APOLD1: variants seen among roughly 807,000 people sequenced by gnomAD.
APOLD1 encodes apolipoprotein L domain-containing protein 1.
Under a neutral mutation model 15.3 loss-of-function variants are expected in APOLD1, and 22 were observed. The ratio of observed to expected loss-of-function variants is 1.44; its 90% CI spans 1.03 to 2.05. APOLD1 has a LOEUF of 2.05. Ranked by LOEUF, APOLD1 falls within the 30% of genes most tolerant of loss-of-function variation. The pLI, the probability that APOLD1 is intolerant of heterozygous loss-of-function variation, is 0.00. For missense variants in APOLD1, 394 were observed against 353.5 expected (o/e 1.11, Z -0.92); for synonymous variants, 190 against 167.4 (o/e 1.13, Z -1.04).
chr12:12,768,149 A>G (rs1446595811), intron 1 of APOLD1, among the ~76,000 whole-genome samples: 1 of 152,134 alleles, frequency 6.6e-6, no homozygotes, highest in Non-Finnish European at 1.5e-5. Context: ...GGGAGTCCTC[A>G]AACCAAACTC....
chr12:12,770,264 GC>G lies in APOLD1; in HGVS notation c.97-16644del, dbSNP rs1382561265. Among the ~76,000 whole-genome samples, 3 of 152,200 alleles carry G rather than the reference GC, an allele frequency of 2.0e-5. No homozygotes were observed. In the East Asian group the frequency reaches 5.8e-4, roughly 29 times the overall value. On this transcript the variant is annotated intron_variant, in intron 1 of 1. Transcript: ENST00000326765. ...TACTAAAAATACAAAAATTAGCCGG[GC>G]ATGGTGGCACATGCCTGTAACCCCA...
At chr12:12,784,720 G>A (rs996226228), upstream of APOLD1, among the ~76,000 whole-genome samples, 5 of 152,190 alleles carry the variant, frequency 3.3e-5, no homozygotes, top group African/African-American at 1.2e-4. Context: ...TTGGGGACAT[G>A]TAGTAGGACT....
chr12:12,742,484 C>T (rs1053033521), intron 1 of APOLD1, among the ~76,000 whole-genome samples: 6 of 152,144 alleles, frequency 3.9e-5, no homozygotes, highest in Non-Finnish European at 8.8e-5. Context: ...GGGCCCTGGT[C>T]GGCCGGGCAC....
At chr12:12,744,716 G>A (rs1946752654) in intron 1 of APOLD1, among the ~76,000 whole-genome samples, 1 of 152,118 alleles carries the variant, frequency 6.6e-6, no homozygotes, top group Non-Finnish European at 1.5e-5. Flanking sequence ...TAAATTTCCG[G>A]GGTGCTCTGC....
At chr12:12,755,548 A>T (rs1946851219) in intron 1 of APOLD1, among the ~76,000 whole-genome samples, 1 of 152,342 alleles carries the variant, frequency 6.6e-6, no homozygotes, top group Non-Finnish European at 1.5e-5. Context: ...AGAACTCCAA[A>T]CTGCAACATC....
rs75025370 is a variant in APOLD1 at position 12,788,602 on chromosome 12, T to A, written c.*950T>A. On this transcript the variant is annotated 3_prime_UTR_variant, in exon 2 of 2. Coordinates refer to ENST00000356591, the MANE Select transcript of APOLD1 (RefSeq NM_030817.3). Reference sequence around the variant, plus strand: ...GGCTCATATAGTGTAGTCCCTGGAATGGCAAATTAACATCACCCAGGAACT... The same window carrying A: ...GGCTCATATAGTGTAGTCCCTGGAAAGGCAAATTAACATCACCCAGGAACT... The A allele has an allele frequency of 0.013, 1,921 of 152,320 alleles. 22 individuals are homozygous for A. The highest frequency in any genetic ancestry group is 0.017 in the Non-Finnish European group (1,174 of 68,034). 9.4% of individuals were successfully genotyped at this position (152,320 alleles called of 1,614,324 possible).
upstream of APOLD1, among the ~76,000 whole-genome samples, chr12:12,784,754 C>T (rs890454719): frequency 6.6e-6 from 1 of 152,124 alleles, no homozygotes; most frequent in African/African-American, 2.4e-5. Context: ...GAGCTCCAAC[C>T]ACCTCTGAAT....
At chr12:12,726,228 A>G (rs1946592617) in intron 1 of APOLD1, 1 of 767,198 alleles carries the variant, frequency 1.3e-6, no homozygotes, top group Non-Finnish European at 2.2e-6. Flanking sequence ...CTCAGAACCC[A>G]TCATAATTCA....
rs115036208 is a variant in APOLD1, at chr12:12,773,332, G to A, written c.97-13577G>A. Among the ~76,000 whole-genome samples, 643 of 152,284 alleles carry A rather than the reference G, an allele frequency of 4.2e-3. 3 individuals carry two copies. Among genetic ancestry groups the A allele is most frequent in the African/African-American group, 0.014 (595 of 41,550 alleles). On this transcript the variant is annotated intron_variant, in intron 1 of 1. Coordinates refer to the APOLD1 transcript ENST00000326765. ...TCCCAGCACTTTGGGAGGGTGAAGT[G>A]GGAAGATTGCTTGAGGCCAGGAGTT...
chr12:12,734,087 G>C (rs1348243471), intron 1 of APOLD1, among the ~76,000 whole-genome samples: 1 of 152,122 alleles, frequency 6.6e-6, no homozygotes, highest in East Asian at 1.9e-4. Flanking sequence ...GAGTTATGAG[G>C]AGTGTATGCA....
At chr12:12,774,311 G>A (rs1292109189) in intron 1 of APOLD1, among the ~76,000 whole-genome samples, 5 of 151,876 alleles carry the variant, frequency 3.3e-5, no homozygotes, top group East Asian at 1.9e-4. Context: ...TTGGGAGGCC[G>A]AAGAGGGTGA....
chr12:12,785,219 AG>A (rs1392594573), upstream of APOLD1, among the ~76,000 whole-genome samples: 1 of 152,210 alleles, frequency 6.6e-6, no homozygotes, highest in East Asian at 1.9e-4. Flanking sequence ...ACAGCAGTGG[AG>A]TATGAGCGGC....
chr12:12,775,615 C>A (rs1421120256), intron 1 of APOLD1, among the ~76,000 whole-genome samples: 1 of 152,148 alleles, frequency 6.6e-6, no homozygotes, highest in Non-Finnish European at 1.5e-5. Context: ...TCTAACAAAG[C>A]AAGTTTGGAG....
chr12:12,785,553 A>G (rs1947117074), upstream of APOLD1: 4 of 1,469,318 alleles, frequency 2.7e-6, no homozygotes, highest in Non-Finnish European at 3.8e-6. Flanking sequence ...TGAAGGCAGC[A>G]GGGGTCATGA....
At chr12:12,754,519 G>A (rs574518949) in intron 1 of APOLD1, among the ~76,000 whole-genome samples, 27 of 151,866 alleles carry the variant, frequency 1.8e-4, no homozygotes, top group African/African-American at 5.8e-4. Flanking sequence ...GCACAATCTC[G>A]GCTCACTGCA....
At chr12:12,776,126 T>C (rs1481050749) in intron 1 of APOLD1, among the ~76,000 whole-genome samples, 2 of 152,056 alleles carry the variant, frequency 1.3e-5, no homozygotes, top group Non-Finnish European at 2.9e-5. Context: ...CTTCATCATA[T>C]TGCTTAATGT....
chr12:12,728,907 C>T (rs1946615888), intron 1 of APOLD1, among the ~76,000 whole-genome samples: 1 of 152,078 alleles, frequency 6.6e-6, no homozygotes, highest in East Asian at 1.9e-4. Flanking sequence ...AAAAGTATAC[C>T]ATATTCTTGG....
chr12:12,737,501 C>T (rs543293588), intron 1 of APOLD1, among the ~76,000 whole-genome samples: 15 of 152,276 alleles, frequency 9.9e-5, no homozygotes, highest in African/African-American at 3.4e-4. Flanking sequence ...TTATATTTCT[C>T]GAACATAATA....
At chr12:12,782,074 C>G (rs1947085497), upstream of APOLD1, among the ~76,000 whole-genome samples, 1 of 151,698 alleles carries the variant, frequency 6.6e-6, no homozygotes, top group Non-Finnish European at 1.5e-5. Context: ...GTTTGGCCAA[C>G]AATGTGAAAC....
Sources: gnomAD v4.1 joint callset for allele counts (sites outside exome capture counted in the v4.1 genomes callset) on GRCh38, gnomAD v4.1.1 for gene constraint, MANE v1.5 for transcripts, NCBI Gene and HGNC (gene_info 2026-07-23, HGNC 2026-07-21) for gene names.